RAPGEF6: variants seen among roughly 807,000 people sequenced by gnomAD.
RAPGEF6 encodes Rap guanine nucleotide exchange factor 6.
RAPGEF6 carries 56 observed loss-of-function variants against 171.4 expected under a neutral mutation model. The ratio of observed to expected loss-of-function variants is 0.33; its 90% CI spans 0.26 to 0.41. RAPGEF6 has a LOEUF of 0.41. Among genes scored for constraint, RAPGEF6 ranks in the 10% least tolerant of loss-of-function variants. The pLI is 1.00. For missense variants in RAPGEF6, 1,674 were observed against 1,921.4 expected (o/e 0.87, Z 2.41); for synonymous variants, 692 against 650.1 (o/e 1.06, Z -0.98).
intron 22 of RAPGEF6, among the ~76,000 whole-genome samples, chr5:131,445,102 G>A (rs1448295357): frequency 1.3e-5 from 2 of 151,990 alleles, no homozygotes; most frequent in African/African-American, 2.4e-5. Context: ...GAGAAAACAG[G>A]GACTAAAGAT....
In RAPGEF6 at chr5:131,459,736, T is replaced by C. The variant is rs548205526; in HGVS notation, c.2864+1969A>G. Among the ~76,000 whole-genome samples the C allele has an allele frequency of 1.6e-3, 248 of 152,286 alleles. 1 individual carries two copies. Among genetic ancestry groups the C allele is most frequent in the African/African-American group, 5.7e-3 (237 of 41,570 alleles). On this transcript the variant is annotated intron_variant, in intron 19 of 27. Coordinates refer to ENST00000509018, the MANE Select transcript of RAPGEF6 (RefSeq NM_016340.6). ...AATCTCCAAGATAAATTAAAAAAAT[T>C]AGCCAAGGTGGTTTTAAATATATAT...
chr5:131,468,050 G>A (rs775198958), intron 17 of RAPGEF6, among the ~76,000 whole-genome samples: 8 of 150,510 alleles, frequency 5.3e-5, no homozygotes, highest in Non-Finnish European at 1.0e-4. Context: ...TCTTGGGGTC[G>A]GGCGCAGTGG....
intron 21 of RAPGEF6, 62 bp downstream of exon 21, chr5:131,452,992 A>G (rs1753209862): frequency 6.5e-7 from 1 of 1,532,548 alleles, no homozygotes; most frequent in African/African-American, 1.4e-5. Context: ...AATGATAAAT[A>G]TTTTAATTAT....
intron 21 of RAPGEF6, among the ~76,000 whole-genome samples, chr5:131,448,369 T>C (rs917168767): frequency 1.3e-5 from 2 of 152,208 alleles, no homozygotes; most frequent in Admixed American, 1.3e-4. Context: ...CACACTGTGA[T>C]AAAAATCCAT....
chr5:131,534,452 T>C (rs1759617669), intron 6 of RAPGEF6, among the ~76,000 whole-genome samples: 1 of 152,102 alleles, frequency 6.6e-6, no homozygotes, highest in East Asian at 1.9e-4. Context: ...TTTAAGAATG[T>C]TTTTCTGCCA....
intron 19 of RAPGEF6, among the ~76,000 whole-genome samples, chr5:131,459,279 TTA>T (rs1237136256): frequency 6.6e-6 from 1 of 152,214 alleles, no homozygotes; most frequent in Non-Finnish European, 1.5e-5. Flanking sequence ...ATATATTTCT[TTA>T]TCTCACTGTT....
At chr5:131,586,085 A>G (rs960184898) in intron 4 of RAPGEF6, among the ~76,000 whole-genome samples, 3 of 152,180 alleles carry the variant, frequency 2.0e-5, no homozygotes, top group Non-Finnish European at 2.9e-5. Flanking sequence ...TTCTAAATGA[A>G]CTAAGACCTG....
chr5:131,624,879 T>G (rs1260341958), intron 1 of RAPGEF6, among the ~76,000 whole-genome samples: 1 of 152,152 alleles, frequency 6.6e-6, no homozygotes, highest in Non-Finnish European at 1.5e-5. Flanking sequence ...TCCCAGCACT[T>G]TGGGAGGTCG....
At chr5:131,600,445 C>T (rs1198299190) in intron 3 of RAPGEF6, among the ~76,000 whole-genome samples, 1 of 151,742 alleles carries the variant, frequency 6.6e-6, no homozygotes, top group African/African-American at 2.4e-5. Context: ...TCGTATGAAC[C>T]CAGGAGGCGG....
intron 6 of RAPGEF6, among the ~76,000 whole-genome samples, chr5:131,530,915 A>T (rs930053849): frequency 6.6e-6 from 1 of 152,216 alleles, no homozygotes; most frequent in Admixed American, 6.5e-5. Context: ...AGTATAGTGC[A>T]GCTATCAAGC....
intron 22 of RAPGEF6, among the ~76,000 whole-genome samples, 171 bp from the exon 23 acceptor site, chr5:131,442,708 T>C (rs1435459105): frequency 6.6e-6 from 1 of 152,246 alleles, no homozygotes; most frequent in African/African-American, 2.4e-5. Context: ...TTATCTCTAT[T>C]GTTTGGTGAG....
chr5:131,488,132 G>T (rs914961167), intron 15 of RAPGEF6, among the ~76,000 whole-genome samples: 2 of 152,032 alleles, frequency 1.3e-5, no homozygotes, highest in African/African-American at 4.8e-5. Context: ...TCTACCCTCT[G>T]CTATATCCAA....
chr5:131,487,879 T>A (rs2149868778), intron 15 of RAPGEF6, among the ~76,000 whole-genome samples: 1 of 152,330 alleles, frequency 6.6e-6, no homozygotes, highest in African/African-American at 2.4e-5. Flanking sequence ...CATCACCACA[T>A]CTAGAGTAAA....
chr5:131,625,807 G>A (rs1417959664), intron 1 of RAPGEF6, among the ~76,000 whole-genome samples: 3 of 115,870 alleles, frequency 2.6e-5, no homozygotes, highest in African/African-American at 5.4e-5. Flanking sequence ...CAGAGACTCC[G>A]TCTCAAAAAA....
chr5:131,542,744 T>C (rs1275309080), intron 6 of RAPGEF6, among the ~76,000 whole-genome samples: 1 of 152,186 alleles, frequency 6.6e-6, no homozygotes, highest in Non-Finnish European at 1.5e-5. Context: ...CTTGAGACTT[T>C]TGTTAAGAGG....
chr5:131,528,242 T>C (rs1458970751), intron 6 of RAPGEF6, among the ~76,000 whole-genome samples: 1 of 129,336 alleles, frequency 7.7e-6, no homozygotes, highest in East Asian at 2.0e-4. Flanking sequence ...TTATATATCA[T>C]ATATATAAAT....
intron 23 of RAPGEF6, among the ~76,000 whole-genome samples, chr5:131,440,957 T>C (rs1752348285): frequency 6.6e-6 from 1 of 152,178 alleles, no homozygotes; most frequent in Non-Finnish European, 1.5e-5. Context: ...TCCAGTTAAC[T>C]GTTAGACCAG....
intron 15 of RAPGEF6, 25 bp from the exon 16 acceptor site, chr5:131,479,778 AT>A: frequency 1.3e-6 from 2 of 1,596,068 alleles, no homozygotes; most frequent in Non-Finnish European, 1.7e-6. Context: ...CAAATGCGTC[AT>A]TTTATTTCTT....
intron 1 of RAPGEF6, among the ~76,000 whole-genome samples, chr5:131,621,573 C>A (rs555196926): frequency 2.0e-5 from 3 of 152,056 alleles, no homozygotes; most frequent in South Asian, 2.1e-4. Flanking sequence ...ATTACAGGCA[C>A]GAGCCACCAC....
Sources: gnomAD v4.1 joint callset for allele counts (sites outside exome capture counted in the v4.1 genomes callset) on GRCh38, gnomAD v4.1.1 for gene constraint, MANE v1.5 for transcripts, NCBI Gene and HGNC (gene_info 2026-07-23, HGNC 2026-07-21) for gene names.